The following MFAP3L variants were observed in gnomAD, a reference collection of about 807,000 sequenced individuals.
The protein encoded by MFAP3L is microfibril associated protein 3 like.
In MFAP3L, 5 loss-of-function variants were observed where a neutral mutation model predicts 20.0. The observed-to-expected ratio is 0.25, with a 90% CI of 0.13 to 0.53. The LOEUF (loss-of-function observed/expected upper bound fraction) is 0.53, where lower values mean the gene tolerates loss of function less well. Ranked by LOEUF, MFAP3L falls within the 20% of genes least tolerant of loss-of-function variation. The probability of loss-of-function intolerance (pLI) is 0.96; values close to 1 mark genes in which losing one functional copy is unlikely to be tolerated. For synonymous variants in MFAP3L, 219 were observed against 213.0 expected (o/e 1.03, Z -0.25); for missense variants, 409 against 527.5 (o/e 0.78, Z 2.20).
rs2110914943 is a variant in MFAP3L, at chr4:169,992,628, G to A, written c.299-319C>T. 6.6e-6 allele frequency among the ~76,000 whole-genome samples: 1 copy of A among 152,304 alleles called. No homozygotes were observed. Among genetic ancestry groups the A allele is most frequent in the African/African-American group, 2.4e-5 (1 of 41,568 alleles). On this transcript the variant is annotated intron_variant, in intron 2 of 2. Transcript: ENST00000361618. This position sits in a 1 kb window ranked among gnomAD's most constrained non-coding sequence, Gnocchi z 4.3. ...CTGAAGATGAACTTGAGTTCCAGAGGCTGCACTCTTAACTACCAAACCATA... is the reference window on the plus strand; with the variant it reads ...CTGAAGATGAACTTGAGTTCCAGAGACTGCACTCTTAACTACCAAACCATA...
rs879837758 is a variant in MFAP3L, at chr4:170,026,207, C to T, written c.-134+27G>A. The T allele has an allele frequency of 9.0e-3, 8,810 of 984,082 alleles. 38 individuals are homozygous for T. The highest frequency in any genetic ancestry group is 9.9e-3 in the Non-Finnish European group (8,212 of 829,024). The allele number at this position is 984,082 out of a possible 1,614,324, so 61.0% of individuals were successfully genotyped here. On this transcript the variant is annotated intron_variant, in intron 1 of 2. Transcript: ENST00000361618. ...CTGGCTCCCACCCGTGCCCCTCCGC[C>T]CCGGCCCGCCGGGGGCCCCCGCTAA... is the stretch of plus-strand genomic sequence containing the variant.
chr4:169,991,051 T>C lies in MFAP3L; in HGVS notation c.*327A>G. On this transcript the variant is annotated 3_prime_UTR_variant, in exon 3 of 3. Coordinates refer to ENST00000361618, the MANE Select transcript of MFAP3L (RefSeq NM_021647.8). The surrounding 1 kb of genome is among the most constrained non-coding windows in gnomAD (Gnocchi z 4.9). ...GGGGCACTGGACAGGGTTCTTGAAC[T>C]CAGAATATCTTACAGTGGTGTACTC... The C allele has an allele frequency of 3.2e-6, 1 of 308,640 alleles. No homozygotes were observed. The highest frequency in any genetic ancestry group is 5.7e-5 in the East Asian group (1 of 17,588). 19.1% of individuals were successfully genotyped at this position (308,640 alleles called of 1,614,324 possible). A position where few individuals can be genotyped will look rare whatever the true frequency, so the allele number is the denominator to read the frequency against.
chr4:169,992,485 C>T lies in MFAP3L; in HGVS notation c.299-176G>A, dbSNP rs1007455117. Among the ~76,000 whole-genome samples, 1 of 152,202 alleles carries T rather than the reference C, an allele frequency of 6.6e-6. No homozygotes were observed. On this transcript the variant is annotated intron_variant, in intron 2 of 2. Coordinates refer to ENST00000361618, the MANE Select transcript of MFAP3L (RefSeq NM_021647.8). This position sits in a 1 kb window ranked among gnomAD's most constrained non-coding sequence, Gnocchi z 4.3. ...AGTGACATGCATCAGCTCATTTAAT[C>T]CTCACAATAACTCTGCAAGGTGGCC...
In MFAP3L at chr4:170,005,716, G is replaced by A. The variant is rs534559156; in HGVS notation, c.162C>T (p.Asp54=). ...TGTTCCCTTCCTTGACTATGATATGGTCAGTTCTGGCAATGATTACGGGCA... is the reference window on the plus strand; with the variant it reads ...TGTTCCCTTCCTTGACTATGATATGATCAGTTCTGGCAATGATTACGGGCA... The part of the protein sequence containing the change: ...GSVPVIIART[D]HIIVKEGNSA... The change falls in exon 2 of 3, where the codon GAC becomes GAT. Residue 54 remains aspartate, a synonymous_variant. Transcript: ENST00000361618. The A allele has an allele frequency of 6.2e-7, 1 of 1,614,158 alleles. No individual in the cohort carries two copies. Among genetic ancestry groups the A allele is most frequent in the South Asian group, 1.1e-5 (1 of 91,078 alleles).
intron 2 of MFAP3L, among the ~76,000 whole-genome samples, chr4:169,999,729 T>C (rs1235907328): frequency 6.6e-6 from 1 of 152,210 alleles, no homozygotes; most frequent in Non-Finnish European, 1.5e-5. Context: ...CAAATGGCGG[T>C]TACCAGGTTG....
At chr4:170,022,376 T>C (rs571797884) in intron 1 of MFAP3L, among the ~76,000 whole-genome samples, 16 of 152,334 alleles carry the variant, frequency 1.1e-4, no homozygotes, top group African/African-American at 3.8e-4. Flanking sequence ...TTCCATTTCA[T>C]GTTCTGGTTT....
At chr4:170,022,266 C>G (rs1259850426) in intron 1 of MFAP3L, among the ~76,000 whole-genome samples, 1 of 152,240 alleles carries the variant, frequency 6.6e-6, no homozygotes, top group Non-Finnish European at 1.5e-5. Context: ...CTACTGGCCA[C>G]TGACCACCTC....
intron 1 of MFAP3L, among the ~76,000 whole-genome samples, chr4:170,008,226 T>C (rs1739167662): frequency 6.6e-6 from 1 of 152,132 alleles, no homozygotes; most frequent in Admixed American, 6.5e-5. Flanking sequence ...GTTTTCCCTC[T>C]TCCTCATTTT....
At chr4:169,994,322 C>T in intron 2 of MFAP3L, 1 of 985,380 alleles carries the variant, frequency 1.0e-6, no homozygotes, top group Non-Finnish European at 1.2e-6. Flanking sequence ...CTTTTTGGAA[C>T]AGTTATCTGT....
chr4:170,024,169 T>C (rs1219598698), intron 1 of MFAP3L, among the ~76,000 whole-genome samples: 1 of 152,180 alleles, frequency 6.6e-6, no homozygotes, highest in African/African-American at 2.4e-5. Flanking sequence ...CTAACTCCTG[T>C]TGTTTTTTTG....
chr4:170,024,340 T>C (rs80212102), intron 1 of MFAP3L, among the ~76,000 whole-genome samples: 9,472 of 152,214 alleles, frequency 0.062, 412 homozygotes, highest in Non-Finnish European at 0.094. Flanking sequence ...GTATTAAACC[T>C]CACATTCACA....
At chr4:169,995,580 G>A (rs1209554211) in intron 2 of MFAP3L, among the ~76,000 whole-genome samples, 1 of 152,146 alleles carries the variant, frequency 6.6e-6, no homozygotes, top group East Asian at 1.9e-4. Context: ...TCTCGAAAAC[G>A]TTCTTGCTGC....
upstream of MFAP3L, chr4:170,026,943 G>C (rs1383695708): frequency 1.3e-5 from 2 of 152,196 alleles, no homozygotes; most frequent in Non-Finnish European, 2.9e-5. Flanking sequence ...CGACTGCGCT[G>C]TAAGTCTTAA....
chr4:170,012,808 G>A (rs1346600742), intron 1 of MFAP3L, among the ~76,000 whole-genome samples: 1 of 152,128 alleles, frequency 6.6e-6, no homozygotes, highest in African/African-American at 2.4e-5. Flanking sequence ...CTACTTAATG[G>A]GTAGAACTAA....
intron 2 of MFAP3L, chr4:169,997,838 G>A (rs1200504926): frequency 3.1e-6 from 3 of 971,438 alleles, no homozygotes; most frequent in African/African-American, 1.9e-5. Context: ...GAGAATGTAG[G>A]GTAAGGGACA....
chr4:170,022,184 A>T (rs1740077258), intron 1 of MFAP3L, among the ~76,000 whole-genome samples: 1 of 152,218 alleles, frequency 6.6e-6, no homozygotes, highest in South Asian at 2.1e-4. Context: ...TATTAATTTC[A>T]TACATGCATA....
chr4:170,019,744 G>A (rs1252243858), intron 1 of MFAP3L, among the ~76,000 whole-genome samples: 4 of 152,088 alleles, frequency 2.6e-5, no homozygotes, highest in South Asian at 2.1e-4. Flanking sequence ...CTTCCCTTAC[G>A]ATCTTCCTCA....
At chr4:170,012,397 G>C (rs942031921) in intron 1 of MFAP3L, among the ~76,000 whole-genome samples, 2 of 152,224 alleles carry the variant, frequency 1.3e-5, no homozygotes, top group East Asian at 3.8e-4. Flanking sequence ...GGCTGGCACT[G>C]TCAGTAGAAT....
Position 170,005,924 on chromosome 4 carries a change from G to C in MFAP3L, c.-47C>G, listed in dbSNP as rs374730137. ...GCAATAGAGAGATGGTTTGCCAACC[G>C]AATCTTCTATCAGACAACACACTGT... is the stretch of plus-strand genomic sequence containing the variant. On this transcript the variant is annotated 5_prime_UTR_variant, in exon 2 of 3. Coordinates refer to ENST00000361618, the MANE Select transcript of MFAP3L (RefSeq NM_021647.8). 12 of 1,576,208 alleles carry C rather than the reference G, an allele frequency of 7.6e-6. No homozygotes were observed. Among genetic ancestry groups the C allele is most frequent in the African/African-American group, 4.0e-5 (3 of 74,148 alleles).
Sources: allele counts gnomAD v4.1 joint callset (sites outside exome capture counted in the v4.1 genomes callset), GRCh38; gene constraint gnomAD v4.1.1; non-coding constraint Gnocchi (gnomAD v3.1); transcripts MANE v1.5; gene names NCBI Gene and HGNC (gene_info 2026-07-23, HGNC 2026-07-21).